The following TTC39C variants were observed in gnomAD, a reference collection of about 807,000 sequenced individuals.
TTC39C encodes tetratricopeptide repeat protein 39C.
Under a neutral mutation model 76.3 loss-of-function variants are expected in TTC39C, and 33 were observed. The observed-to-expected ratio is 0.43, with a 90% confidence interval of 0.33 to 0.58. TTC39C has a LOEUF of 0.58. Among genes scored for constraint, TTC39C ranks in the 20% least tolerant of loss-of-function variants. The pLI is 0.04. For synonymous variants in TTC39C, 254 were observed against 260.6 expected (o/e 0.97, Z 0.24); for missense variants, 595 against 701.4 (o/e 0.85, Z 1.71).
intron 6 of TTC39C, among the ~76,000 whole-genome samples, chr18:24,098,340 G>A (rs2084616673): frequency 6.7e-6 from 1 of 149,674 alleles, no homozygotes; most frequent in Admixed American, 6.6e-5. Flanking sequence ...TAGGATTAAG[G>A]AAGACCTAGA....
At chr18:24,035,960 T>G (rs1428688323) in intron 1 of TTC39C, among the ~76,000 whole-genome samples, 3 of 152,216 alleles carry the variant, frequency 2.0e-5, no homozygotes, top group Non-Finnish European at 4.4e-5. Flanking sequence ...TTTTGTATGG[T>G]ATAAAGTAAG....
At chr18:24,072,257 G>A (rs764394976) in intron 4 of TTC39C, among the ~76,000 whole-genome samples, 3 of 151,372 alleles carry the variant, frequency 2.0e-5, no homozygotes, top group South Asian at 4.2e-4. Flanking sequence ...CAGAGCTCTG[G>A]TAGGGATGAG....
At chr18:24,041,932 A>C (rs919300576) in intron 1 of TTC39C, among the ~76,000 whole-genome samples, 2 of 152,144 alleles carry the variant, frequency 1.3e-5, no homozygotes, top group African/African-American at 4.8e-5. Context: ...TCTATAGGCC[A>C]CCAGTGTCAT....
chr18:24,120,505 G>A (rs990569896), intron 8 of TTC39C, among the ~76,000 whole-genome samples: 1 of 152,196 alleles, frequency 6.6e-6, no homozygotes, highest in Non-Finnish European at 1.5e-5. Flanking sequence ...TGTTTTGTGT[G>A]ACTATGTCAA....
intron 1 of TTC39C, among the ~76,000 whole-genome samples, chr18:23,993,792 TTTAA>T (rs764504176): frequency 6.6e-6 from 1 of 152,232 alleles, no homozygotes; most frequent in Non-Finnish European, 1.5e-5. Context: ...TATATACTAA[TTTAA>T]TTGTCTTGGG....
At chr18:24,064,729 T>C (rs889659504) in intron 2 of TTC39C, among the ~76,000 whole-genome samples, 4 of 152,288 alleles carry the variant, frequency 2.6e-5, no homozygotes, top group African/African-American at 9.6e-5. Context: ...CACATAATTT[T>C]TTTAAAAGAC....
chr18:24,065,035 G>T (rs2084148933), intron 2 of TTC39C, among the ~76,000 whole-genome samples: 1 of 152,232 alleles, frequency 6.6e-6, no homozygotes. Context: ...TAGTACCCAA[G>T]TGATAACAAG....
intron 1 of TTC39C, among the ~76,000 whole-genome samples, chr18:23,999,356 C>A (rs1229195216): frequency 6.6e-6 from 1 of 152,134 alleles, no homozygotes; most frequent in Admixed American, 6.5e-5. Context: ...AGAAACCACA[C>A]CTGTCACAGC....
intron 1 of TTC39C, among the ~76,000 whole-genome samples, chr18:24,025,983 C>T (rs2083595418): frequency 6.6e-6 from 1 of 152,122 alleles, no homozygotes; most frequent in Non-Finnish European, 1.5e-5. Context: ...TAAAGAGCCC[C>T]TAGTGTTGGG....
chr18:24,104,787 G>C (rs2084726777), intron 6 of TTC39C, among the ~76,000 whole-genome samples: 1 of 151,422 alleles, frequency 6.6e-6, no homozygotes, highest in African/African-American at 2.4e-5. Flanking sequence ...TTTCCTCTCA[G>C]TTGTGCTGTG....
At chr18:24,121,533 C>G (rs537864423) in intron 8 of TTC39C, among the ~76,000 whole-genome samples, 2 of 152,028 alleles carry the variant, frequency 1.3e-5, no homozygotes, top group African/African-American at 2.4e-5. Context: ...GAGCCAAGAT[C>G]GCGCCATTGC....
intron 13 of TTC39C, 79 bp downstream of exon 13, chr18:24,131,999 G>T: frequency 2.2e-6 from 3 of 1,369,598 alleles, no homozygotes; most frequent in Non-Finnish European, 3.0e-6. Context: ...ATTCAAGAAA[G>T]TTTGTGCAAT....
chr18:24,035,836 C>T (rs1307824549), intron 1 of TTC39C, among the ~76,000 whole-genome samples: 2 of 152,174 alleles, frequency 1.3e-5, no homozygotes, highest in South Asian at 4.1e-4. Flanking sequence ...TTTGGTATCA[C>T]ATCCAAGAAA....
In TTC39C at chr18:24,080,959, T is replaced by A. The variant is rs1568430371; in HGVS notation, c.815+20T>A. On this transcript the variant is annotated intron_variant, in intron 5 of 13. Transcript: ENST00000317571. Reference sequence around the variant, plus strand: ...AGCTACGTGAGTAGCTGTATTGCAATGCTTTGGTAGATAATATAGTGTTGA... The same window carrying A: ...AGCTACGTGAGTAGCTGTATTGCAAAGCTTTGGTAGATAATATAGTGTTGA... 6.3e-7 allele frequency: 1 copy of A among 1,581,564 alleles called. No homozygotes were observed. Among genetic ancestry groups the A allele is most frequent in the Non-Finnish European group, 8.6e-7 (1 of 1,161,484 alleles).
intron 7 of TTC39C, 99 bp from the exon 8 acceptor site, chr18:24,118,026 T>C (rs1014346857): frequency 1.5e-5 from 13 of 866,222 alleles, no homozygotes; most frequent in South Asian, 2.0e-5. Flanking sequence ...TCATAGAACA[T>C]GCACAGAGAA....
intron 4 of TTC39C, chr18:24,077,084 GGTGTTCACTCCTCT>G (rs1364972994): frequency 1.3e-5 from 2 of 152,200 alleles, no homozygotes; most frequent in African/African-American, 4.8e-5. Flanking sequence ...TCCGGGAGCA[GGTGTTCACTCCTCT>G]GTTGGGCTTG....
chr18:24,083,150 A>G, intron 6 of TTC39C, 69 bp downstream of exon 6: 1 of 1,482,548 alleles, frequency 6.7e-7, no homozygotes, highest in Non-Finnish European at 9.0e-7. Flanking sequence ...TCACTTGAGG[A>G]CTGGTATTAA....
chr18:24,003,090 C>T (rs1301621120), intron 1 of TTC39C, among the ~76,000 whole-genome samples: 1 of 152,214 alleles, frequency 6.6e-6, no homozygotes, highest in Non-Finnish European at 1.5e-5. Flanking sequence ...TGCCTGAGGG[C>T]TGACCACCTC....
upstream of TTC39C, chr18:24,014,665 C>T (rs979594817): frequency 3.5e-5 from 24 of 683,642 alleles, no homozygotes; most frequent in African/African-American, 4.5e-4. Flanking sequence ...CGGCCGGACG[C>T]CCACCTCCCA....
Sources: allele counts gnomAD v4.1 joint callset (sites outside exome capture counted in the v4.1 genomes callset), GRCh38; gene constraint gnomAD v4.1.1; transcripts MANE v1.5; gene names NCBI Gene and HGNC (gene_info 2026-07-23, HGNC 2026-07-21).